CAMK1D: variants seen among roughly 807,000 people sequenced by gnomAD.
CAMK1D encodes calcium/calmodulin-dependent protein kinase type 1D.
A neutral mutation model predicts 47.7 loss-of-function variants in CAMK1D; 9 were observed. The ratio of observed to expected loss-of-function variants is 0.19; its 90% confidence interval spans 0.11 to 0.33. The LOEUF is 0.33. Ranked by LOEUF, CAMK1D falls within the 10% of genes least tolerant of loss-of-function variation. The pLI is 1.00. For missense variants in CAMK1D, 291 were observed against 488.7 expected (o/e 0.60, Z 3.81); for synonymous variants, 184 against 184.9 (o/e 0.99, Z 0.04).
chr10:12,647,452 C>T (rs1480869381), intron 2 of CAMK1D, among the ~76,000 whole-genome samples: 4 of 152,096 alleles, frequency 2.6e-5, no homozygotes, highest in Admixed American at 2.0e-4. Flanking sequence ...CCCAGCCCTC[C>T]GCCTAGTTTT....
chr10:12,732,545 C>T (rs896506097), intron 3 of CAMK1D, among the ~76,000 whole-genome samples: 7 of 151,856 alleles, frequency 4.6e-5, no homozygotes, highest in African/African-American at 9.7e-5. Context: ...ACGTGGTGGC[C>T]GCAAGAGAAA....
intron 2 of CAMK1D, among the ~76,000 whole-genome samples, chr10:12,558,706 G>T (rs983127490): frequency 6.6e-6 from 1 of 152,194 alleles, no homozygotes; most frequent in African/African-American, 2.4e-5. Context: ...AAGCAAACCA[G>T]CTGTGTCTGG....
intron 10 of CAMK1D, among the ~76,000 whole-genome samples, chr10:12,827,686 C>T (rs1212799613): frequency 6.8e-6 from 1 of 147,372 alleles, no homozygotes; most frequent in African/African-American, 2.5e-5. Context: ...CTCCTTTCTC[C>T]TCTCTCCTCT....
rs372983549 is a variant in CAMK1D, at chr10:12,763,014, G to A, written c.438+1928G>A. Among the ~76,000 whole-genome samples the A allele has an allele frequency of 7.9e-5, 12 of 152,326 alleles. No homozygotes were observed. In the South Asian group the frequency reaches 8.3e-4, roughly 11 times the overall value. ...AGCAAATAAGGCATATCCAGGAGGG[G>A]CAGTGTTTATCTCTCCCTTGGAAAG... is the stretch of plus-strand genomic sequence containing the variant. On this transcript the variant is annotated intron_variant, in intron 4 of 10. Coordinates refer to ENST00000619168, the MANE Select transcript of CAMK1D (RefSeq NM_153498.4).
chr10:12,603,428 C>T (rs989537863), intron 2 of CAMK1D, among the ~76,000 whole-genome samples: 1 of 152,198 alleles, frequency 6.6e-6, no homozygotes, highest in African/African-American at 2.4e-5. Context: ...TATCATATGG[C>T]TTCAGCCTCT....
chr10:12,532,283 CTTTT>C (rs375755257), intron 1 of CAMK1D, among the ~76,000 whole-genome samples: 1 of 144,264 alleles, frequency 6.9e-6, no homozygotes. Context: ...TTTTTATTTT[CTTTT>C]TTTTTTTTTT....
intron 2 of CAMK1D, among the ~76,000 whole-genome samples, chr10:12,591,689 G>A (rs369238020): frequency 1.3e-5 from 2 of 152,124 alleles, no homozygotes; most frequent in Non-Finnish European, 2.9e-5. Context: ...ACATAATAGG[G>A]TTGGTTGGTT....
chr10:12,720,933 C>T (rs1450252406), intron 3 of CAMK1D, among the ~76,000 whole-genome samples: 2 of 152,164 alleles, frequency 1.3e-5, no homozygotes, highest in African/African-American at 4.8e-5. Flanking sequence ...GACAGGGCAC[C>T]TGTCTTCTGG....
chr10:12,526,671 A>C (rs949978322), intron 1 of CAMK1D, among the ~76,000 whole-genome samples: 12 of 152,086 alleles, frequency 7.9e-5, no homozygotes, highest in Non-Finnish European at 1.2e-4. Context: ...TAATCCCAGC[A>C]CTTTGGGAGG....
chr10:12,654,933 G>A (rs1033255220), intron 2 of CAMK1D, among the ~76,000 whole-genome samples: 6 of 152,136 alleles, frequency 3.9e-5, no homozygotes, highest in African/African-American at 9.7e-5. Context: ...AACTTGTTAC[G>A]CCTAGGCCAC....
At chr10:12,612,492 C>T (rs922082378) in intron 2 of CAMK1D, among the ~76,000 whole-genome samples, 1 of 151,998 alleles carries the variant, frequency 6.6e-6, no homozygotes, top group Admixed American at 6.6e-5. Context: ...AGGCATGAAC[C>T]ACCATGCCTG....
chr10:12,769,591 G>T, intron 4 of CAMK1D, 82 bp from the exon 5 acceptor site: 1 of 1,501,016 alleles, frequency 6.7e-7, no homozygotes, highest in East Asian at 2.3e-5. Flanking sequence ...GTTGTGAATA[G>T]GTTTTGCAGC....
At chr10:12,690,241 T>G (rs919459022) in intron 3 of CAMK1D, among the ~76,000 whole-genome samples, 1 of 152,210 alleles carries the variant, frequency 6.6e-6, no homozygotes, top group Non-Finnish European at 1.5e-5. Context: ...TGCCAGCCAT[T>G]GTTCCATATA....
intron 3 of CAMK1D, among the ~76,000 whole-genome samples, chr10:12,708,688 G>A (rs983216236): frequency 1.3e-5 from 2 of 152,148 alleles, no homozygotes; most frequent in Non-Finnish European, 2.9e-5. Flanking sequence ...GACAGTATAA[G>A]CATCATGGCC....
intron 1 of CAMK1D, among the ~76,000 whole-genome samples, chr10:12,521,761 C>T (rs1835422623): frequency 1.3e-5 from 2 of 151,928 alleles, no homozygotes; most frequent in Admixed American, 1.3e-4. Flanking sequence ...ATTTTGAAGC[C>T]CTGTTTTTAG....
chr10:12,439,113 A>G (rs975616432), intron 1 of CAMK1D, among the ~76,000 whole-genome samples: 3 of 152,204 alleles, frequency 2.0e-5, no homozygotes, highest in Non-Finnish European at 4.4e-5. Context: ...GTCTGTGTCT[A>G]CCAGGGCCTA....
intron 1 of CAMK1D, among the ~76,000 whole-genome samples, chr10:12,480,883 CAGTG>C (rs1352650860): frequency 2.6e-5 from 4 of 152,186 alleles, no homozygotes; most frequent in Non-Finnish European, 4.4e-5. Flanking sequence ...AAAATTGTAA[CAGTG>C]AGAAAAAATA....
chr10:12,497,256 A>C (rs1834568313), intron 1 of CAMK1D, among the ~76,000 whole-genome samples: 1 of 152,202 alleles, frequency 6.6e-6, no homozygotes, highest in East Asian at 1.9e-4. Context: ...AAGCCGGAGG[A>C]TCACGAGATC....
chr10:12,712,564 C>T (rs1303262558), intron 3 of CAMK1D, among the ~76,000 whole-genome samples: 2 of 152,176 alleles, frequency 1.3e-5, no homozygotes, highest in African/African-American at 2.4e-5. Flanking sequence ...CTCCTTCTCA[C>T]TGTGTTCTCA....
Sources: gnomAD v4.1 joint callset for allele counts (sites outside exome capture counted in the v4.1 genomes callset) on GRCh38, gnomAD v4.1.1 for gene constraint, MANE v1.5 for transcripts, NCBI Gene and HGNC (gene_info 2026-07-23, HGNC 2026-07-21) for gene names.